The following ADGRE3 variants were observed in gnomAD, a reference collection of about 807,000 sequenced individuals.
ADGRE3 encodes adhesion G protein-coupled receptor E3.
A neutral mutation model predicts 80.1 loss-of-function variants in ADGRE3; 88 were observed. The ratio of observed to expected loss-of-function variants is 1.10; its 90% CI spans 0.93 to 1.31. The LOEUF (loss-of-function observed/expected upper bound fraction) is 1.31, where lower values mean the gene tolerates loss of function less well. ADGRE3 is among the 40% of genes most tolerant of loss of function. ADGRE3 has a pLI of 0.00. For missense variants in ADGRE3, 715 were observed against 776.5 expected (o/e 0.92, Z 0.94); for synonymous variants, 281 against 294.8 (o/e 0.95, Z 0.48).
At chr19:14,652,277 T>C (rs369198881) in intron 6 of ADGRE3, among the ~76,000 whole-genome samples, 112 of 152,258 alleles carry the variant, frequency 7.4e-4, no homozygotes, top group African/African-American at 2.6e-3. Context: ...TACAATTTTC[T>C]TTATCAATTA....
the ADGRE3 span, among the ~76,000 whole-genome samples, chr19:14,604,296 TTC>T: frequency 3.9e-5 from 6 of 152,158 alleles, no homozygotes; most frequent in Admixed American, 3.9e-4. Flanking sequence ...AGATACCAGA[TTC>T]TTCTCTCTGG....
chr19:14,632,716 C>CTTT (rs58638702), intron 13 of ADGRE3, among the ~76,000 whole-genome samples: 2,115 of 148,078 alleles, frequency 0.014, 46 homozygotes, highest in African/African-American at 0.049. Context: ...CTATTTTATT[C>CTTT]TTTTTTTTTT....
At chr19:14,644,642 A>T (rs1231184630) in intron 8 of ADGRE3, among the ~76,000 whole-genome samples, 1 of 151,970 alleles carries the variant, frequency 6.6e-6, no homozygotes, top group Non-Finnish European at 1.5e-5. Context: ...CTTTTTCCTC[A>T]GGAGGGACAG....
the ADGRE3 span, chr19:14,611,112 A>G: frequency 6.6e-6 from 1 of 151,426 alleles, no homozygotes; most frequent in African/African-American, 2.4e-5. Context: ...GGCTGGTCTC[A>G]TGTAGTCCCC....
chr19:14,654,702 T>C (rs1228271983), intron 6 of ADGRE3, among the ~76,000 whole-genome samples: 1 of 152,134 alleles, frequency 6.6e-6, no homozygotes, highest in Non-Finnish European at 1.5e-5. Flanking sequence ...GTGAGTTTTG[T>C]TGGGTGCACA....
In ADGRE3 at chr19:14,655,062, C is replaced by T. The variant is rs147235913; in HGVS notation, c.497G>A (p.Arg166Gln). Reference protein sequence around the residue: ...EISSTATTILRDVESKVLETA... With the variant: ...EISSTATTILQDVESKVLETA... ...TTCTAGAACTTTCGATTCCACATCCCGGAGAATAGTGGTAGCTGTGGATGA... is the reference window on the plus strand; with the variant it reads ...TTCTAGAACTTTCGATTCCACATCCTGGAGAATAGTGGTAGCTGTGGATGA... The change falls in exon 6 of 16, where the codon CGG (arginine) becomes CAG (glutamine). Residue 166 changes from arginine (R) to glutamine (Q), a missense_variant. Arg to Gln is a conservative substitution (Grantham distance 43). Coordinates refer to ENST00000253673, the MANE Select transcript of ADGRE3 (RefSeq NM_032571.5). The T allele has an allele frequency of 5.4e-5, 87 of 1,614,044 alleles. No individual in the cohort carries two copies. The African/African-American group carries it at 7.5e-4, about 14-fold the overall frequency.
chr19:14,646,677 CTCCCTCCCTCCCTCCCTCCT>C (rs1426205125), intron 8 of ADGRE3, among the ~76,000 whole-genome samples: 1 of 96,626 alleles, frequency 1.0e-5, no homozygotes, highest in African/African-American at 4.1e-5. Context: ...CCCTCCCTCC[CTCCCTCCCTCCCTCCCTCCT>C]TCCTTCCTTC....
At chr19:14,603,278 G>A in the ADGRE3 span, among the ~76,000 whole-genome samples, 1 of 152,160 alleles carries the variant, frequency 6.6e-6, no homozygotes. Context: ...AGCACACATC[G>A]GGTCTTTGCT....
chr19:14,653,933 T>C (rs1971675119), intron 6 of ADGRE3, among the ~76,000 whole-genome samples: 1 of 141,438 alleles, frequency 7.1e-6, no homozygotes, highest in Admixed American at 7.4e-5. Context: ...TTTCAAAGCC[T>C]GCTGTGTGTG....
chr19:14,644,311 G>GTCTT (rs749789800), intron 8 of ADGRE3, 36 bp from the exon 9 acceptor site: 3 of 1,363,084 alleles, frequency 2.2e-6, no homozygotes, highest in East Asian at 2.7e-5. Flanking sequence ...CATTGTCTTT[G>GTCTT]TCTTTCTTTC....
At chr19:14,649,385 TC>T (rs1971518250) in intron 7 of ADGRE3, among the ~76,000 whole-genome samples, 3 of 150,314 alleles carry the variant, frequency 2.0e-5, no homozygotes, top group Admixed American at 2.0e-4. Flanking sequence ...CATCTCTCTC[TC>T]CCCATCTCTC....
the ADGRE3 span, among the ~76,000 whole-genome samples, chr19:14,600,563 G>A: frequency 0.18 from 27,215 of 151,838 alleles, 3,820 homozygotes; most frequent in African/African-American, 0.39. Flanking sequence ...TATGCCAGTC[G>A]GAAGAGTTTA....
chr19:14,630,303 A>G (rs1970846954), intron 13 of ADGRE3, 96 bp from the exon 14 acceptor site: 2 of 982,934 alleles, frequency 2.0e-6, no homozygotes, highest in African/African-American at 1.6e-5. Context: ...CTCTGGAGCT[A>G]GACTACCTGA....
At chr19:14,660,625 T>TAAAAA (rs34250356) in intron 4 of ADGRE3, among the ~76,000 whole-genome samples, 12 of 145,426 alleles carry the variant, frequency 8.3e-5, no homozygotes, top group Non-Finnish European at 1.1e-4. Context: ...CCCCATCTCT[T>TAAAAA]AAAAAAAAAA....
At chr19:14,621,580 A>T in intron 15 of ADGRE3, 2 of 654,368 alleles carry the variant, frequency 3.1e-6, no homozygotes, top group Non-Finnish European at 4.7e-6. Flanking sequence ...AACTGTGACT[A>T]TGGAAATTGC....
intron 6 of ADGRE3, among the ~76,000 whole-genome samples, chr19:14,652,586 C>T (rs1971636827): frequency 6.6e-6 from 1 of 151,746 alleles, no homozygotes; most frequent in South Asian, 2.1e-4. Flanking sequence ...TCAAGACCAG[C>T]CTGGCCAACA....
At chr19:14,639,780 C>A (rs1971196510) in intron 10 of ADGRE3, among the ~76,000 whole-genome samples, 1 of 152,116 alleles carries the variant, frequency 6.6e-6, no homozygotes, top group African/African-American at 2.4e-5. Flanking sequence ...TCTCTGCCCT[C>A]CCCCTATTTG....
At chr19:14,671,230 T>C (rs546369944) in intron 1 of ADGRE3, among the ~76,000 whole-genome samples, 1 of 152,312 alleles carries the variant, frequency 6.6e-6, no homozygotes, top group Non-Finnish European at 1.5e-5. Context: ...TTTATTATTC[T>C]CTTACAGGTC....
intron 15 of ADGRE3, among the ~76,000 whole-genome samples, chr19:14,620,569 T>TAATATATATATATATA (rs1427819287): frequency 1.3e-4 from 1 of 7,582 alleles, no homozygotes; most frequent in Non-Finnish European, 2.3e-4. Flanking sequence ...TATATATATA[T>TAATATATATATATATA]TTTTTTTTTT....
Sources: allele counts gnomAD v4.1 joint callset (sites outside exome capture counted in the v4.1 genomes callset), GRCh38; gene constraint gnomAD v4.1.1; transcripts MANE v1.5; gene names NCBI Gene and HGNC (gene_info 2026-07-23, HGNC 2026-07-21).